Variants in ZSCAN5A observed in about 807,000 individuals in gnomAD.
ZSCAN5A encodes the protein zinc finger and SCAN domain-containing protein 5A.
A neutral mutation model predicts 23.7 loss-of-function variants in ZSCAN5A; 12 were observed. The ratio of observed to expected loss-of-function variants is 0.51; its 90% CI spans 0.32 to 0.82. The LOEUF is 0.82. Among genes scored for constraint, ZSCAN5A ranks in the 40% least tolerant of loss-of-function variants. The pLI, the probability that ZSCAN5A is intolerant of heterozygous loss-of-function variation, is 0.03. For synonymous variants in ZSCAN5A, 257 were observed against 239.9 expected (o/e 1.07, Z -0.66); for missense variants, 597 against 617.9 (o/e 0.97, Z 0.36).
rs8109340 is a variant in ZSCAN5A, at chr19:56,351,776, G to A, written c.-358+11459C>T. Among the ~76,000 whole-genome samples, 3,394 of 152,204 alleles carry A rather than the reference G, an allele frequency of 0.022. 137 individuals are homozygous for A. Among genetic ancestry groups the A allele is most frequent in the African/African-American group, 0.077 (3,183 of 41,506 alleles). ...TCCATCCTTTGCATCTTAACCTGTC[G>A]CAGAACAAGAAAAGTGGTGCCGCTA... On this transcript the variant is annotated intron_variant, in intron 2 of 6. Coordinates refer to the ZSCAN5A transcript ENST00000587340. This position sits in a 1 kb window ranked among gnomAD's most constrained non-coding sequence, Gnocchi z 4.8.
chr19:56,362,730 G>T (rs184489645), intron 2 of ZSCAN5A, among the ~76,000 whole-genome samples: 3 of 152,000 alleles, frequency 2.0e-5, no homozygotes, highest in African/African-American at 7.3e-5. Context: ...AATTAGCCAG[G>T]TATAGTGGCA....
intron 2 of ZSCAN5A, among the ~76,000 whole-genome samples, chr19:56,262,419 TTTTG>T (rs1332959164): frequency 6.6e-6 from 1 of 151,720 alleles, no homozygotes; most frequent in Non-Finnish European, 1.5e-5. Context: ...ATTTTTTTTT[TTTTG>T]TTTTTTTGTT....
intron 2 of ZSCAN5A, chr19:56,321,533 G>T: frequency 1.4e-6 from 1 of 737,046 alleles, no homozygotes; most frequent in Non-Finnish European, 2.5e-6. Flanking sequence ...TTCGCTGTCT[G>T]TCTGGGTGTC....
At chr19:56,278,256 C>T (rs57731201) in intron 2 of ZSCAN5A, among the ~76,000 whole-genome samples, 63,114 of 151,892 alleles carry the variant, frequency 0.42, 14,363 homozygotes, top group Non-Finnish European at 0.51. Context: ...GAAGTAGCCT[C>T]CCAAGTAGCT....
intron 2 of ZSCAN5A, chr19:56,302,897 C>G (rs1455879681): frequency 2.5e-6 from 1 of 398,526 alleles, no homozygotes; most frequent in Non-Finnish European, 4.4e-6. Flanking sequence ...GATGGTTGAG[C>G]TACCTTCAAG....
Position 56,265,400 on chromosome 19 carries a change from C to T in ZSCAN5A, c.-127-40227G>A, listed in dbSNP as rs1035780087. Among the ~76,000 whole-genome samples, 11 of 149,630 alleles carry T rather than the reference C, an allele frequency of 7.4e-5. No individual in the cohort carries two copies. The East Asian group carries it at 2.2e-3, about 29-fold the overall frequency. On this transcript the variant is annotated intron_variant, in intron 2 of 5. Transcript: ENST00000683990. ...CTATGTAAGTGGTTAAAGCTGTAAG[C>T]AAGCAGTAAGGCTTGAAACTTAAAG...
chr19:56,358,265 C>A (rs544539908), intron 2 of ZSCAN5A, among the ~76,000 whole-genome samples: 1 of 148,250 alleles, frequency 6.7e-6, no homozygotes, highest in South Asian at 2.2e-4. Context: ...GGATTACAGG[C>A]GCCCACTACC....
chr19:56,308,331 C>CTTTTTT (rs543582885), intron 2 of ZSCAN5A, among the ~76,000 whole-genome samples: 4 of 144,668 alleles, frequency 2.8e-5, no homozygotes, highest in South Asian at 2.2e-4. Flanking sequence ...GGCTCCCAGT[C>CTTTTTT]TTTTTTTTTT....
intron 2 of ZSCAN5A, among the ~76,000 whole-genome samples, chr19:56,359,203 A>G (rs941535849): frequency 6.6e-6 from 1 of 152,218 alleles, no homozygotes; most frequent in Admixed American, 6.5e-5. Context: ...AAAGAAAAAA[A>G]GACAAGATTC....
chr19:56,290,762 C>T (rs1373633608), intron 2 of ZSCAN5A, among the ~76,000 whole-genome samples: 1 of 152,152 alleles, frequency 6.6e-6, no homozygotes, highest in Non-Finnish European at 1.5e-5. Context: ...AATTGAATGT[C>T]CTATACTGCT....
intron 2 of ZSCAN5A, among the ~76,000 whole-genome samples, chr19:56,326,082 G>A (rs980097865): frequency 3.6e-4 from 54 of 151,676 alleles, no homozygotes; most frequent in Admixed American, 1.4e-3. Context: ...ACAGGCCCCC[G>A]CCACCACGCC....
intron 2 of ZSCAN5A, chr19:56,274,482 T>A (rs2038102863): frequency 6.6e-6 from 1 of 150,396 alleles, no homozygotes; most frequent in Non-Finnish European, 1.5e-5. Context: ...AAAAAAAAAC[T>A]CTGTAGAGGA....
At chr19:56,356,052 G>A (rs1482652683) in intron 2 of ZSCAN5A, among the ~76,000 whole-genome samples, 2 of 148,756 alleles carry the variant, frequency 1.3e-5, no homozygotes, top group Non-Finnish European at 3.0e-5. Flanking sequence ...TAGATGAAAG[G>A]ATGAGACAGG....
intron 2 of ZSCAN5A, among the ~76,000 whole-genome samples, chr19:56,344,768 TG>T (rs2041618924): frequency 6.7e-6 from 1 of 150,312 alleles, no homozygotes; most frequent in Admixed American, 6.6e-5. Context: ...CCGGGCGCGG[TG>T]GCGGGCGCCT....
chr19:56,238,553 T>C (rs865900939), intron 2 of ZSCAN5A, among the ~76,000 whole-genome samples: 2 of 152,298 alleles, frequency 1.3e-5, no homozygotes, highest in South Asian at 2.1e-4. Flanking sequence ...GGAGGCTCTC[T>C]TGAGCCCAGG....
chr19:56,225,305 T>A, intron 2 of ZSCAN5A, 132 bp from the exon 3 acceptor site: 1 of 732,416 alleles, frequency 1.4e-6, no homozygotes, highest in Non-Finnish European at 1.9e-6. Context: ...TTCCAGTGTC[T>A]ATACCTGACT....
chr19:56,283,180 CTCTT>C (rs753116437), intron 2 of ZSCAN5A, among the ~76,000 whole-genome samples: 2 of 152,178 alleles, frequency 1.3e-5, no homozygotes, highest in South Asian at 4.1e-4. Context: ...ACTTTACCAC[CTCTT>C]TCTGATTCCA....
At chr19:56,348,815 G>T (rs1600298328) in intron 2 of ZSCAN5A, among the ~76,000 whole-genome samples, 1 of 152,184 alleles carries the variant, frequency 6.6e-6, no homozygotes, top group East Asian at 1.9e-4. Flanking sequence ...GTAGCCGAAA[G>T]AAATAAATTA....
chr19:56,247,429 C>G (rs779889367), intron 2 of ZSCAN5A: 14 of 173,564 alleles, frequency 8.1e-5, no homozygotes, highest in African/African-American at 1.2e-4. Flanking sequence ...CTTTCGTCGG[C>G]CTGAAACGTT....
Sources: allele counts gnomAD v4.1 joint callset (sites outside exome capture counted in the v4.1 genomes callset), GRCh38; gene constraint gnomAD v4.1.1; non-coding constraint Gnocchi (gnomAD v3.1); transcripts MANE v1.5; gene names NCBI Gene and HGNC (gene_info 2026-07-23, HGNC 2026-07-21).